The following PIK3R1 variants were observed in gnomAD, a reference collection of about 807,000 sequenced individuals.
PIK3R1 encodes the protein phosphoinositide-3-kinase regulatory subunit 1, also known as phosphatidylinositol 3-kinase regulatory subunit alpha.
A neutral mutation model predicts 98.0 loss-of-function variants in PIK3R1; 29 were observed. The observed-to-expected ratio is 0.30, with a 90% CI of 0.22 to 0.40. The LOEUF (loss-of-function observed/expected upper bound fraction) is 0.40. Ranked by LOEUF, PIK3R1 falls within the 10% of genes least tolerant of loss-of-function variation. The pLI is 1.00. For missense variants in PIK3R1, 596 were observed against 872.7 expected, an observed-to-expected ratio of 0.68 and a Z score of 3.99; for synonymous variants, 282 against 311.8, an observed-to-expected ratio of 0.90 and a Z score of 1.01.
intron 2 of PIK3R1, chr5:68,240,078 A>C (rs568247889): frequency 1.0e-5 from 2 of 200,442 alleles, no homozygotes; most frequent in Non-Finnish European, 2.0e-5. Context: ...GATTTATATA[A>C]TATTCAACTT....
intron 4 of PIK3R1, 82 bp downstream of exon 4, chr5:68,274,095 G>A (rs1746475338): frequency 1.9e-6 from 2 of 1,028,686 alleles, no homozygotes; most frequent in African/African-American, 1.6e-5. Context: ...ACACAAAATT[G>A]AATTTAATCT....
chr5:68,229,337 T>C (rs920890242), intron 2 of PIK3R1, among the ~76,000 whole-genome samples: 3 of 152,240 alleles, frequency 2.0e-5, no homozygotes, highest in Admixed American at 6.5e-5. Context: ...TTTGTATTTC[T>C]TTGAAAAGCT....
intron 2 of PIK3R1, among the ~76,000 whole-genome samples, chr5:68,262,553 ATACATGTATACACATGTACC>A (rs1310626638): frequency 1.4e-5 from 2 of 145,624 alleles, no homozygotes; most frequent in South Asian, 2.1e-4. Context: ...TATCTAATGT[ATACATGTATACACATGTACC>A]TACATGTATA....
At chr5:68,268,586 C>G (rs1167390769) in intron 2 of PIK3R1, among the ~76,000 whole-genome samples, 2 of 152,200 alleles carry the variant, frequency 1.3e-5, no homozygotes, top group African/African-American at 4.8e-5. Context: ...CTGATCCACA[C>G]TTTGCATATA....
At chr5:68,290,845 A>T (rs1440041817) in intron 7 of PIK3R1, 9 of 1,570,716 alleles carry the variant, frequency 5.7e-6, no homozygotes, top group Non-Finnish European at 7.9e-6. Context: ...GTAATACTGC[A>T]GTATTATTGT....
intron 4 of PIK3R1, among the ~76,000 whole-genome samples, chr5:68,275,222 G>A (rs1033840566): frequency 3.9e-5 from 6 of 152,148 alleles, no homozygotes; most frequent in African/African-American, 1.2e-4. Flanking sequence ...TTGCTGCTCT[G>A]CCTCCTGCAC....
At chr5:68,227,100 G>A in intron 2 of PIK3R1, 91 bp downstream of exon 2, 3 of 1,189,006 alleles carry the variant, frequency 2.5e-6, no homozygotes, top group Admixed American at 2.6e-5. Flanking sequence ...TATGTTCTGG[G>A]CAGAAGTTAC....
At chr5:68,217,135 C>T (rs529652820) in intron 1 of PIK3R1, among the ~76,000 whole-genome samples, 1 of 152,072 alleles carries the variant, frequency 6.6e-6, no homozygotes, top group South Asian at 2.1e-4. Flanking sequence ...GTGCGAAGTA[C>T]CAATGGATAA....
At chr5:68,297,335 T>C in intron 15 of PIK3R1, 77 bp from the exon 16 acceptor site, 1 of 1,239,960 alleles carries the variant, frequency 8.1e-7, no homozygotes, top group Non-Finnish European at 1.1e-6. Context: ...AATAATGCTT[T>C]TTATTAAAGA....
intron 2 of PIK3R1, among the ~76,000 whole-genome samples, chr5:68,255,530 G>C (rs930304834): frequency 1.2e-4 from 19 of 152,142 alleles, no homozygotes; most frequent in African/African-American, 3.6e-4. Flanking sequence ...TAGTGCTTGG[G>C]GGGGAAATGA....
At chr5:68,241,665 G>A (rs1193982275) in intron 2 of PIK3R1, among the ~76,000 whole-genome samples, 1 of 152,206 alleles carries the variant, frequency 6.6e-6, no homozygotes, top group African/African-American at 2.4e-5. Context: ...CTTGCCCAGA[G>A]TCCAACACTA....
intron 2 of PIK3R1, among the ~76,000 whole-genome samples, chr5:68,249,436 G>C (rs1424379056): frequency 6.6e-6 from 1 of 152,088 alleles, no homozygotes; most frequent in East Asian, 1.9e-4. Flanking sequence ...AGATGTACGG[G>C]GTTGTTAAAA....
chr5:68,244,410 G>A (rs985787000), intron 2 of PIK3R1, among the ~76,000 whole-genome samples: 1 of 147,374 alleles, frequency 6.8e-6, no homozygotes, highest in Non-Finnish European at 1.5e-5. Flanking sequence ...TCACTCAGTG[G>A]TCCTTGTGAA....
chr5:68,255,534 G>A (rs1048716152), intron 2 of PIK3R1, among the ~76,000 whole-genome samples: 3 of 152,160 alleles, frequency 2.0e-5, no homozygotes, highest in African/African-American at 7.2e-5. Context: ...GCTTGGGGGG[G>A]AAATGAGTTA....
At chr5:68,252,960 A>G (rs978761235) in intron 2 of PIK3R1, among the ~76,000 whole-genome samples, 5 of 151,978 alleles carry the variant, frequency 3.3e-5, no homozygotes, top group Admixed American at 2.0e-4. Flanking sequence ...TTTTTCCCAG[A>G]TGGCACCTGA....
intron 7 of PIK3R1, among the ~76,000 whole-genome samples, chr5:68,282,648 C>T (rs894934222): frequency 2.0e-5 from 3 of 152,246 alleles, no homozygotes; most frequent in Middle Eastern, 3.4e-3. Context: ...AAAGTAAAAA[C>T]GGGTATCTGC....
chr5:68,227,376 A>G (rs988662104), intron 2 of PIK3R1, among the ~76,000 whole-genome samples: 2 of 152,184 alleles, frequency 1.3e-5, no homozygotes, highest in African/African-American at 4.8e-5. Context: ...GAAAAACCCA[A>G]AATTTTTTGA....
chr5:68,297,659 C>A lies in PIK3R1; in HGVS notation c.*58C>A. On this transcript the variant is annotated 3_prime_UTR_variant, in exon 16 of 16. Coordinates refer to ENST00000521381, the MANE Select transcript of PIK3R1 (RefSeq NM_181523.3). Reference sequence around the variant, plus strand: ...CAGCCACCCTGAGGCCTCTGGAAAGCAAAGGGCTCCTCTCCAGTCTGATCT... The same window carrying A: ...CAGCCACCCTGAGGCCTCTGGAAAGAAAAGGGCTCCTCTCCAGTCTGATCT... The A allele has an allele frequency of 7.2e-7, 1 of 1,392,096 alleles. No homozygotes were observed. The allele number at this position is 1,392,096 out of a possible 1,614,324, so 86.2% of individuals were successfully genotyped here. A position where few individuals can be genotyped will look rare whatever the true frequency, so the allele number is the denominator to read the frequency against.
In PIK3R1 at chr5:68,298,686, C is replaced by CTGTT. The variant is rs1412936238; in HGVS notation, c.*1087_*1090dup. ...AAGTTCATAACAGATTTTTTTTGGA[C>CTGTT]TGTTTTGTTGGGCAGTGCCTGATAA... On this transcript the variant is annotated 3_prime_UTR_variant, in exon 16 of 16. Coordinates refer to ENST00000521381, the MANE Select transcript of PIK3R1 (RefSeq NM_181523.3). The CTGTT allele has an allele frequency of 1.7e-5, 4 of 232,208 alleles. No individual in the cohort carries two copies. Among genetic ancestry groups the CTGTT allele is most frequent in the Non-Finnish European group, 2.6e-5 (3 of 117,586 alleles). 14.4% of individuals were successfully genotyped at this position (232,208 alleles called of 1,614,324 possible).
Sources: allele counts gnomAD v4.1 joint callset (sites outside exome capture counted in the v4.1 genomes callset), GRCh38; gene constraint gnomAD v4.1.1; transcripts MANE v1.5; gene names NCBI Gene and HGNC (gene_info 2026-07-23, HGNC 2026-07-21).